TRMT11: variants seen among roughly 807,000 people sequenced by gnomAD.
TRMT11 encodes tRNA (guanine(10)-N(2))-methyltransferase TRMT11.
In TRMT11, 53 loss-of-function variants were observed where a neutral mutation model predicts 62.8. That is an observed-to-expected ratio of 0.84 (90% CI 0.68 to 1.06). The LOEUF (loss-of-function observed/expected upper bound fraction) is 1.06. TRMT11 is among the 50% of genes least tolerant of loss of function. The pLI, the probability that TRMT11 is intolerant of heterozygous loss-of-function variation, is 0.00. For synonymous variants in TRMT11, 188 were observed against 190.3 expected, an observed-to-expected ratio of 0.99 and a Z score of 0.10; for missense variants, 556 against 553.4, an observed-to-expected ratio of 1.00 and a Z score of -0.05.
intron 21 of TRMT11, among the ~76,000 whole-genome samples, chr6:126,164,360 T>C (rs1778233831): frequency 6.6e-6 from 1 of 152,166 alleles, no homozygotes; most frequent in Admixed American, 6.5e-5. Flanking sequence ...TGATTTCTGT[T>C]CTTTTGCAGT....
At chr6:126,181,046 C>T (rs2128240926) in intron 1 of TRMT11, among the ~76,000 whole-genome samples, 1 of 152,212 alleles carries the variant, frequency 6.6e-6, no homozygotes, top group Non-Finnish European at 1.5e-5. Context: ...ATAAATAGGA[C>T]ACACATTTAG....
chr6:126,240,727 CT>C, the TRMT11 span, among the ~76,000 whole-genome samples: 2 of 152,240 alleles, frequency 1.3e-5, no homozygotes, highest in Non-Finnish European at 2.9e-5. Context: ...CCACTAGTGT[CT>C]TCCAATCTGT....
intron 1 of TRMT11, among the ~76,000 whole-genome samples, chr6:126,183,315 G>T (rs1197250284): frequency 6.6e-6 from 1 of 152,072 alleles, no homozygotes; most frequent in Non-Finnish European, 1.5e-5. Flanking sequence ...TTTCCAAATA[G>T]CACTCCAAGT....
chr6:126,166,373 C>A (rs1778263876), intron 21 of TRMT11, among the ~76,000 whole-genome samples: 1 of 151,606 alleles, frequency 6.6e-6, no homozygotes, highest in Non-Finnish European at 1.5e-5. Context: ...GTTTTTTTTC[C>A]TTCTAATAGT....
the TRMT11 span, among the ~76,000 whole-genome samples, chr6:126,229,898 A>G: frequency 6.6e-6 from 1 of 152,144 alleles, no homozygotes; most frequent in African/African-American, 2.4e-5. Context: ...TTTTTATACC[A>G]TTGAAAATCT....
At chr6:126,088,660 T>C (rs577208057) in intron 17 of TRMT11, among the ~76,000 whole-genome samples, 6 of 152,200 alleles carry the variant, frequency 3.9e-5, no homozygotes, top group Non-Finnish European at 7.3e-5. Flanking sequence ...TTCTCAAATA[T>C]CCAAATGTCC....
At chr6:126,228,705 C>CA in the TRMT11 span, among the ~76,000 whole-genome samples, 188 of 152,288 alleles carry the variant, frequency 1.2e-3, no homozygotes, top group African/African-American at 4.2e-3. Flanking sequence ...CTGCTGGCCC[C>CA]AAGGATGGTG....
chr6:126,253,807 G>C, the TRMT11 span, among the ~76,000 whole-genome samples: 1 of 152,164 alleles, frequency 6.6e-6, no homozygotes, highest in South Asian at 2.1e-4. Context: ...CTCTCTCAGG[G>C]AAGAAGGAAA....
intron 21 of TRMT11, among the ~76,000 whole-genome samples, chr6:126,137,535 T>A (rs1271789811): frequency 2.6e-5 from 4 of 151,728 alleles, no homozygotes; most frequent in African/African-American, 9.7e-5. Context: ...GGTGAGAATG[T>A]CAAATCATTA....
intron 21 of TRMT11, among the ~76,000 whole-genome samples, chr6:126,148,018 C>A (rs1012636727): frequency 6.6e-6 from 1 of 152,010 alleles, no homozygotes; most frequent in African/African-American, 2.4e-5. Flanking sequence ...GCATGTTCTG[C>A]ACATGTACCC....
At chr6:126,181,206 C>T (rs1341409443) in intron 1 of TRMT11, among the ~76,000 whole-genome samples, 1 of 152,156 alleles carries the variant, frequency 6.6e-6, no homozygotes, top group Admixed American at 6.5e-5. Flanking sequence ...TTTTCACTCC[C>T]AATTATTGCT....
At chr6:126,052,781 CT>C (rs1484580372) in intron 16 of TRMT11, among the ~76,000 whole-genome samples, 3 of 152,200 alleles carry the variant, frequency 2.0e-5, no homozygotes, top group Non-Finnish European at 4.4e-5. Context: ...AGTTTTTGAT[CT>C]TGCATTTGTT....
At chr6:126,041,537 T>C (rs765887009), downstream of TRMT11, among the ~76,000 whole-genome samples, 31 of 152,150 alleles carry the variant, frequency 2.0e-4, no homozygotes, top group Non-Finnish European at 3.8e-4. Context: ...CAAAGAGATA[T>C]GGAATAAAAC....
intron 2 of TRMT11, among the ~76,000 whole-genome samples, chr6:125,994,816 A>G (rs1474471106): frequency 1.3e-5 from 2 of 152,258 alleles, no homozygotes; most frequent in Middle Eastern, 6.3e-3. Flanking sequence ...GAATGAGATC[A>G]TGTCCTTTGC....
At chr6:126,259,805 C>T in the TRMT11 span, among the ~76,000 whole-genome samples, 1 of 152,092 alleles carries the variant, frequency 6.6e-6, no homozygotes, top group Non-Finnish European at 1.5e-5. Flanking sequence ...GAACTGATCT[C>T]CTTATCATTA....
At chr6:126,166,511 C>T (rs546605003) in intron 21 of TRMT11, among the ~76,000 whole-genome samples, 3 of 152,158 alleles carry the variant, frequency 2.0e-5, no homozygotes, top group Non-Finnish European at 2.9e-5. Context: ...CTGGAAGCTT[C>T]GTCCCAGAGG....
At chr6:126,242,356 T>G in the TRMT11 span, among the ~76,000 whole-genome samples, 2 of 152,312 alleles carry the variant, frequency 1.3e-5, no homozygotes. Context: ...ATGGCCATAC[T>G]GCCCAAGGTA....
At chr6:126,226,531 A>G in the TRMT11 span, among the ~76,000 whole-genome samples, 2 of 152,188 alleles carry the variant, frequency 1.3e-5, no homozygotes, top group Non-Finnish European at 2.9e-5. Flanking sequence ...ATGAATTATA[A>G]TAATTTCTAT....
At chr6:126,005,262 G>A (rs2128793669) in intron 7 of TRMT11, among the ~76,000 whole-genome samples, 1 of 152,058 alleles carries the variant, frequency 6.6e-6, no homozygotes, top group East Asian at 1.9e-4. Flanking sequence ...TTATCTAATT[G>A]GTGAGTGAAT....
Sources: gnomAD v4.1 joint callset for allele counts (sites outside exome capture counted in the v4.1 genomes callset) on GRCh38, gnomAD v4.1.1 for gene constraint, MANE v1.5 for transcripts, NCBI Gene and HGNC (gene_info 2026-07-23, HGNC 2026-07-21) for gene names.